MKRN1: variants seen among roughly 807,000 people sequenced by gnomAD.
MKRN1 encodes the protein makorin ring finger protein 1.
In MKRN1, 9 loss-of-function variants were observed where a neutral mutation model predicts 55.5. That is an observed-to-expected ratio of 0.16 (90% CI 0.10 to 0.28). The LOEUF (loss-of-function observed/expected upper bound fraction) is 0.28, where lower values mean the gene tolerates loss of function less well. Ranked by LOEUF, MKRN1 falls within the 10% of genes least tolerant of loss-of-function variation. The probability of loss-of-function intolerance (pLI) is 1.00; values close to 1 mark genes in which losing one functional copy is unlikely to be tolerated. For synonymous variants in MKRN1, 253 were observed against 235.9 expected, an observed-to-expected ratio of 1.07 and a Z score of -0.66; for missense variants, 488 against 626.7, an observed-to-expected ratio of 0.78 and a Z score of 2.36.
At chr7:140,475,399 C>CCT in intron 1 of MKRN1, 1 of 318,896 alleles carries the variant, frequency 3.1e-6, no homozygotes, top group South Asian at 2.2e-5. Flanking sequence ...GTGGCTCACA[C>CCT]CTGTAATCCC....
intron 1 of MKRN1, chr7:140,473,103 A>G (rs1585493931): frequency 2.9e-6 from 1 of 340,068 alleles, no homozygotes; most frequent in East Asian, 8.8e-5. Context: ...TCTCAAAAAG[A>G]AAAAGAAAAA....
chr7:140,469,589 G>A (rs1031578442), intron 2 of MKRN1, among the ~76,000 whole-genome samples: 15 of 152,004 alleles, frequency 9.9e-5, no homozygotes, highest in Non-Finnish European at 1.9e-4. Context: ...TAGCTGCCAA[G>A]CTGCAAGGAT....
intron 1 of MKRN1, among the ~76,000 whole-genome samples, chr7:140,476,518 C>A (rs1395251730): frequency 2.9e-5 from 4 of 138,942 alleles, no homozygotes; most frequent in East Asian, 4.1e-4. Context: ...CTGTTAAGTA[C>A]TTTGTCTTTG....
intron 3 of MKRN1, 112 bp downstream of exon 3, chr7:140,459,595 G>C: frequency 9.3e-7 from 1 of 1,078,228 alleles, no homozygotes; most frequent in South Asian, 1.5e-5. Context: ...ACTGTACTAA[G>C]ATTAAACTAA....
rs1794481258 is a variant in MKRN1 at position 140,456,883 on chromosome 7, G to A, written c.772-17C>T. The A allele has an allele frequency of 1.2e-6, 2 of 1,609,224 alleles. No homozygotes were observed. The highest frequency in any genetic ancestry group is 1.3e-5 in the African/African-American group (1 of 74,846). ...AATGCACGACTAGAGAAGGTGGAGAGAGAACAAGTGGAATCCAGTCATTGA... is the reference window on the plus strand; with the variant it reads ...AATGCACGACTAGAGAAGGTGGAGAAAGAACAAGTGGAATCCAGTCATTGA... On this transcript the variant is annotated splice_polypyrimidine_tract_variant and intron_variant, in intron 4 of 7. Coordinates refer to ENST00000255977, the MANE Select transcript of MKRN1 (RefSeq NM_013446.4).
At chr7:140,466,975 TTTTC>T (rs1249292165) in intron 2 of MKRN1, among the ~76,000 whole-genome samples, 1 of 130,524 alleles carries the variant, frequency 7.7e-6, no homozygotes, top group Non-Finnish European at 1.5e-5. Context: ...CCTTTCAACT[TTTTC>T]TTTTTTTTTT....
At chr7:140,466,810 CAAAAAAAAAA>C (rs563645827) in intron 2 of MKRN1, among the ~76,000 whole-genome samples, 19 of 87,200 alleles carry the variant, frequency 2.2e-4, no homozygotes, top group African/African-American at 7.2e-4. Context: ...GACTCCGTCT[CAAAAAAAAAA>C]AAAAAAAAAA....
intron 2 of MKRN1, among the ~76,000 whole-genome samples, chr7:140,467,942 C>T (rs1350035745): frequency 7.1e-6 from 1 of 141,604 alleles, no homozygotes; most frequent in Non-Finnish European, 1.5e-5. Context: ...GTGGAGGTTG[C>T]GGTGAGCCGA....
At position 140,476,471 on chromosome 7, in the gene MKRN1, C is replaced by CAAAAAAAAA. The variant is rs59392050; in HGVS notation, c.185+2680_185+2688dup. 2.5e-4 allele frequency among the ~76,000 whole-genome samples: 18 copies of CAAAAAAAAA among 72,558 alleles called. 3 individuals carry two copies. Among genetic ancestry groups the CAAAAAAAAA allele is most frequent in the African/African-American group, 1.0e-3 (17 of 16,302 alleles). 47.6% of individuals were successfully genotyped at this position (72,558 alleles called of 152,430 possible). On this transcript the variant is annotated intron_variant, in intron 1 of 7. Transcript: ENST00000255977. ...TGGGCGACAGAGCGACACTCCATCT[C>CAAAAAAAAA]AAAAAAAAAAAAAAAAAAGGAAGAT...
At chr7:140,469,529 T>C (rs1794862323) in intron 2 of MKRN1, among the ~76,000 whole-genome samples, 3 of 152,124 alleles carry the variant, frequency 2.0e-5, no homozygotes, top group African/African-American at 2.4e-5. Context: ...ATAAAAGGCA[T>C]TGTGGCTTTT....
At position 140,478,998 on chromosome 7, in the gene MKRN1, C is replaced by A. The variant is rs896196266; in HGVS notation, c.185+162G>T. On this transcript the variant is annotated intron_variant, in intron 1 of 7. Transcript: ENST00000255977. ...GGTTGACGCAGTGACTGGGGGAACG[C>A]GGCGGCAGCGGGGGCCGCGAGGGCT... 5 of 877,338 alleles carry A rather than the reference C, an allele frequency of 5.7e-6. No homozygotes were observed. In the African/African-American group the frequency reaches 8.8e-5, roughly 15 times the overall value. The allele number at this position is 877,338 out of a possible 1,614,324, so 54.3% of individuals were successfully genotyped here.
At chr7:140,476,898 G>T (rs959734985) in intron 1 of MKRN1, among the ~76,000 whole-genome samples, 10 of 151,974 alleles carry the variant, frequency 6.6e-5, no homozygotes, top group African/African-American at 2.4e-4. Context: ...TGACCAACAC[G>T]GAGAAAGCCC....
In MKRN1 at chr7:140,453,165, A is replaced by G. The variant is rs551625797; in HGVS notation, c.*1352T>C. On this transcript the variant is annotated 3_prime_UTR_variant, in exon 8 of 8. Transcript: ENST00000255977. ...TTCTTAAAGTGAAAGAATGGGTGGG[A>G]TCCAAGGAATCAAAGCAGTAGATGG... 4 of 152,754 alleles carry G rather than the reference A, an allele frequency of 2.6e-5. No homozygotes were observed. The East Asian group carries it at 7.7e-4, about 29-fold the overall frequency. The allele number at this position is 152,754 out of a possible 1,614,324, so 9.5% of individuals were successfully genotyped here. A position where few individuals can be genotyped will look rare whatever the true frequency, so the allele number is the denominator to read the frequency against.
chr7:140,460,363 G>A (rs1284757255), intron 2 of MKRN1: 2 of 140,444 alleles, frequency 1.4e-5, no homozygotes, highest in Admixed American at 7.5e-5. Flanking sequence ...AGGCTGGAGT[G>A]CAGTGGCGTG....
upstream of MKRN1, chr7:140,479,532 TGC>T (rs760215848): frequency 4.7e-5 from 25 of 536,546 alleles, no homozygotes; most frequent in Non-Finnish European, 6.5e-5. Flanking sequence ...GCCCAGAGCA[TGC>T]GCGCCCGCGG....
rs765704006 is a variant in MKRN1, at chr7:140,456,772, T to G, written c.866A>C (p.Tyr289Ser). ...MVCGICMEVV[Y>S]EKANPSERRF... ...GCGCTCACTGGGGTTGGCTTTCTCATAGACCACCTCCATGCAGATCCCACA... is the reference window on the plus strand; with the variant it reads ...GCGCTCACTGGGGTTGGCTTTCTCAGAGACCACCTCCATGCAGATCCCACA... The change falls in exon 5 of 8, where the codon TAT becomes TCT. Residue 289 changes from tyrosine to serine, a missense_variant. Physicochemically the swap from Tyr to Ser is moderately radical, Grantham distance 144. Transcript: ENST00000255977. The G allele has an allele frequency of 3.4e-5, 55 of 1,613,908 alleles. No homozygotes were observed. Among genetic ancestry groups the G allele is most frequent in the Non-Finnish European group, 4.6e-5 (54 of 1,179,930 alleles).
chr7:140,465,185 C>G (rs1794734143), intron 2 of MKRN1, among the ~76,000 whole-genome samples: 1 of 152,054 alleles, frequency 6.6e-6, no homozygotes, highest in Non-Finnish European at 1.5e-5. Context: ...GTCCAAAAAC[C>G]AAAACTCCAA....
intron 1 of MKRN1, chr7:140,473,210 CAAA>C (rs534529617): frequency 1.7e-3 from 626 of 367,256 alleles, no homozygotes; most frequent in Admixed American, 3.2e-3. Context: ...ATGATACCAC[CAAA>C]AAAAAAAAAA....
chr7:140,455,409 C>T (rs567800428), intron 6 of MKRN1, 176 bp from the exon 7 acceptor site: 1 of 730,116 alleles, frequency 1.4e-6, no homozygotes, highest in Admixed American at 2.9e-5. Context: ...TAACTAGAAA[C>T]CGGTAACTCT....
Sources: allele counts gnomAD v4.1 joint callset (sites outside exome capture counted in the v4.1 genomes callset), GRCh38; gene constraint gnomAD v4.1.1; transcripts MANE v1.5; gene names NCBI Gene and HGNC (gene_info 2026-07-23, HGNC 2026-07-21).